The following SLC24A2 variants were observed in gnomAD, a reference collection of about 807,000 sequenced individuals.
SLC24A2 encodes sodium/potassium/calcium exchanger 2.
SLC24A2 carries 36 observed loss-of-function variants against 62.0 expected under a neutral mutation model. That is an observed-to-expected ratio of 0.58 (90% CI 0.44 to 0.77). SLC24A2 has a LOEUF of 0.77. SLC24A2 is among the 30% of genes least tolerant of loss of function. SLC24A2 has a pLI of 0.00. For missense variants in SLC24A2, 846 were observed against 817.9 expected (o/e 1.03, Z -0.42); for synonymous variants, 358 against 294.0 (o/e 1.22, Z -2.23).
chr9:20,286,725 A>G, the SLC24A2 span, among the ~76,000 whole-genome samples: 1 of 152,174 alleles, frequency 6.6e-6, no homozygotes, highest in African/African-American at 2.4e-5. Flanking sequence ...TATTTAAATC[A>G]TGACACTTGG....
chr9:19,578,863 G>A (rs1836118055), intron 5 of SLC24A2, among the ~76,000 whole-genome samples: 1 of 152,164 alleles, frequency 6.6e-6, no homozygotes, highest in Non-Finnish European at 1.5e-5. Flanking sequence ...TTAGTCACAA[G>A]CCTGGTCTCT....
At chr9:20,150,270 C>G in the SLC24A2 span, among the ~76,000 whole-genome samples, 1 of 151,946 alleles carries the variant, frequency 6.6e-6, no homozygotes, top group Non-Finnish European at 1.5e-5. Flanking sequence ...AGACTATGAT[C>G]AGAGGATGCC....
At chr9:19,716,371 T>C (rs1820860376) in intron 2 of SLC24A2, among the ~76,000 whole-genome samples, 1 of 152,236 alleles carries the variant, frequency 6.6e-6, no homozygotes, top group South Asian at 2.1e-4. Context: ...GCATACTTAT[T>C]GTGGGCTTAC....
the SLC24A2 span, among the ~76,000 whole-genome samples, chr9:20,244,864 A>T: frequency 2.7e-5 from 4 of 147,528 alleles, no homozygotes; most frequent in Admixed American, 1.3e-4. Context: ...CTCTTATTTT[A>T]AAAAAAATCT....
At chr9:20,173,170 G>A in the SLC24A2 span, among the ~76,000 whole-genome samples, 1 of 151,924 alleles carries the variant, frequency 6.6e-6, no homozygotes, top group Non-Finnish European at 1.5e-5. Context: ...TGGCATACAA[G>A]GGACATACCT....
chr9:19,930,325 C>A, the SLC24A2 span, among the ~76,000 whole-genome samples: 5 of 152,162 alleles, frequency 3.3e-5, no homozygotes, highest in African/African-American at 9.7e-5. Context: ...TTTAAATACA[C>A]AAATATTTAT....
chr9:20,126,688 T>A, the SLC24A2 span, among the ~76,000 whole-genome samples: 1 of 152,238 alleles, frequency 6.6e-6, no homozygotes, highest in Non-Finnish European at 1.5e-5. Flanking sequence ...ATTTTGCTCA[T>A]CCACCACTGA....
In SLC24A2 at chr9:19,561,849, T is replaced by G. The variant is rs115492785; in HGVS notation, c.1347+11502A>C. On this transcript the variant is annotated intron_variant, in intron 7 of 10. Transcript: ENST00000341998. Reference sequence around the variant, plus strand: ...ATATAGATGGAAAAAATCAAGAATTTGGCACCCTAAACACAACATGAGAAG... The same window carrying G: ...ATATAGATGGAAAAAATCAAGAATTGGGCACCCTAAACACAACATGAGAAG... 2.1e-3 allele frequency among the ~76,000 whole-genome samples: 325 copies of G among 152,304 alleles called. 3 individuals carry two copies. Among genetic ancestry groups the G allele is most frequent in the African/African-American group, 7.6e-3 (314 of 41,566 alleles).
chr9:19,712,223 A>G (rs1181562203), intron 2 of SLC24A2, among the ~76,000 whole-genome samples: 1 of 152,186 alleles, frequency 6.6e-6, no homozygotes, highest in East Asian at 1.9e-4. Flanking sequence ...TGGCTAGTAC[A>G]CTGGAGGAAC....
At chr9:20,271,577 A>C in the SLC24A2 span, among the ~76,000 whole-genome samples, 1 of 152,228 alleles carries the variant, frequency 6.6e-6, no homozygotes. Context: ...TGCTAGGTGC[A>C]ATAGACAAAT....
At chr9:20,179,007 T>G in the SLC24A2 span, among the ~76,000 whole-genome samples, 11 of 152,134 alleles carry the variant, frequency 7.2e-5, no homozygotes, top group Admixed American at 7.2e-4. Context: ...GGGAATCTTC[T>G]TCAAAGAGTT....
the SLC24A2 span, among the ~76,000 whole-genome samples, chr9:20,254,693 A>T: frequency 3.3e-5 from 5 of 152,224 alleles, no homozygotes; most frequent in African/African-American, 9.6e-5. Context: ...GACAACTTCT[A>T]GTTTCATGAC....
At chr9:19,878,952 A>T in the SLC24A2 span, among the ~76,000 whole-genome samples, 1 of 152,152 alleles carries the variant, frequency 6.6e-6, no homozygotes, top group Non-Finnish European at 1.5e-5. Context: ...GAGCATGAAG[A>T]CAACACTCCA....
Position 19,786,165 on chromosome 9 carries a change from T to A in SLC24A2, c.702A>T (p.Thr234=). ...ACACATCTCGAAAGAGCGGCCACCA[T>A]GTCAGGTTTAAGATTTCTCTAGAAA... ...ALFSREILNL[T]WWPLFRDVSF... is the part of the protein sequence containing the mutation. Residue 234 remains threonine, a synonymous_variant, in exon 2 of 11, where the codon ACA becomes ACT. Transcript: ENST00000341998. The surrounding 1 kb of genome is among the most constrained non-coding windows in gnomAD (Gnocchi z 5.0). The A allele has an allele frequency of 6.2e-7, 1 of 1,614,180 alleles. No homozygotes were observed. The highest frequency in any genetic ancestry group is 2.2e-5 in the East Asian group (1 of 44,886).
At chr9:20,210,698 GT>G in the SLC24A2 span, among the ~76,000 whole-genome samples, 1 of 128,390 alleles carries the variant, frequency 7.8e-6, no homozygotes, top group Non-Finnish European at 1.5e-5. Flanking sequence ...TAGAGACGGG[GT>G]TTCACCGTAT....
chr9:20,047,027 A>G, the SLC24A2 span, among the ~76,000 whole-genome samples: 3 of 152,238 alleles, frequency 2.0e-5, no homozygotes, highest in South Asian at 4.1e-4. Flanking sequence ...TTCCCTAATT[A>G]TATAACTATC....
At chr9:20,039,937 A>T in the SLC24A2 span, among the ~76,000 whole-genome samples, 1 of 152,320 alleles carries the variant, frequency 6.6e-6, no homozygotes, top group South Asian at 2.1e-4. Flanking sequence ...GATGGGTTCT[A>T]AATATGTGCT....
chr9:20,163,986 A>T, the SLC24A2 span, among the ~76,000 whole-genome samples: 1,876 of 152,292 alleles, frequency 0.012, 50 homozygotes, highest in African/African-American at 0.042. Flanking sequence ...TTAATTCAAG[A>T]TGGATTAAAG....
At chr9:20,098,383 G>C in the SLC24A2 span, among the ~76,000 whole-genome samples, 1 of 152,148 alleles carries the variant, frequency 6.6e-6, no homozygotes, top group Non-Finnish European at 1.5e-5. Context: ...TTCAGGTGCT[G>C]GGTTTTTTGA....
Sources: gnomAD v4.1 joint callset for allele counts (sites outside exome capture counted in the v4.1 genomes callset) on GRCh38, gnomAD v4.1.1 for gene constraint, Gnocchi (gnomAD v3.1) non-coding constraint, MANE v1.5 for transcripts, NCBI Gene and HGNC (gene_info 2026-07-23, HGNC 2026-07-21) for gene names.